The following PRDM16 variants were observed in gnomAD, a reference collection of about 807,000 sequenced individuals.
PRDM16 encodes the protein PR/SET domain 16.
Under a neutral mutation model 110.6 loss-of-function variants are expected in PRDM16, and 23 were observed. The ratio of observed to expected loss-of-function variants is 0.21; its 90% confidence interval spans 0.15 to 0.29. PRDM16 has a LOEUF of 0.29. Ranked by LOEUF, PRDM16 falls within the 10% of genes least tolerant of loss-of-function variation. The pLI, the probability that PRDM16 is intolerant of heterozygous loss-of-function variation, is 1.00. For synonymous variants in PRDM16, 799 were observed against 781.8 expected, an observed-to-expected ratio of 1.02 and a Z score of -0.37; for missense variants, 1,615 against 1,794.3, an observed-to-expected ratio of 0.90 and a Z score of 1.81.
chr1:3,419,545 C>T (rs981853250), intron 12 of PRDM16, among the ~76,000 whole-genome samples: 3 of 152,134 alleles, frequency 2.0e-5, no homozygotes, highest in South Asian at 2.1e-4. Flanking sequence ...AACTGGGAGG[C>T]GAATGGGGAA....
At chr1:3,177,459 T>C (rs993250350) in intron 1 of PRDM16, among the ~76,000 whole-genome samples, 7 of 152,228 alleles carry the variant, frequency 4.6e-5, no homozygotes, top group African/African-American at 1.4e-4. Flanking sequence ...CTGTGTGGCA[T>C]TGAGCAAGTT....
At chr1:3,424,841 C>T (rs891164893) in intron 12 of PRDM16, 1 of 152,254 alleles carries the variant, frequency 6.6e-6, no homozygotes, top group Admixed American at 6.5e-5. Flanking sequence ...GGGAAACTGG[C>T]CTTGCCGAGT....
chr1:3,181,388 CCTTACGCAT>C (rs1644177355), intron 1 of PRDM16, among the ~76,000 whole-genome samples: 1 of 6,344 alleles, frequency 1.6e-4, no homozygotes, highest in Admixed American at 2.7e-3. Flanking sequence ...TTACACACGG[CCTTACGCAT>C]GGTCTTACAC....
At chr1:3,393,014 G>C (rs1292557238) in intron 4 of PRDM16, among the ~76,000 whole-genome samples, 1 of 152,258 alleles carries the variant, frequency 6.6e-6, no homozygotes, top group African/African-American at 2.4e-5. Flanking sequence ...AGAACCTGAA[G>C]TGTTGGAACA....
chr1:3,312,711 G>T (rs901706038), intron 3 of PRDM16, among the ~76,000 whole-genome samples: 1 of 152,244 alleles, frequency 6.6e-6, no homozygotes, highest in African/African-American at 2.4e-5. Context: ...CAAATACTCC[G>T]CCGCTTTTCA....
At chr1:3,354,392 A>G (rs887819221) in intron 3 of PRDM16, among the ~76,000 whole-genome samples, 6 of 149,792 alleles carry the variant, frequency 4.0e-5, no homozygotes, top group Non-Finnish European at 1.5e-5. Context: ...TCCAGGAGGC[A>G]GAGGTTTCAG....
At chr1:3,111,900 C>T (rs571106657) in intron 1 of PRDM16, among the ~76,000 whole-genome samples, 1 of 152,358 alleles carries the variant, frequency 6.6e-6, no homozygotes, top group Admixed American at 6.5e-5. Context: ...CGCCGCTCCC[C>T]AGCAAGATAA....
At position 3,370,961 on chromosome 1, in the gene PRDM16, C is replaced by T. The variant is rs114852617; in HGVS notation, c.439-14191C>T. Among the ~76,000 whole-genome samples the T allele has an allele frequency of 0.024, 3,506 of 148,366 alleles. 120 individuals are homozygous for T. The highest frequency in any genetic ancestry group is 0.079 in the African/African-American group (3,162 of 40,126). On this transcript the variant is annotated intron_variant, in intron 3 of 16. Coordinates refer to ENST00000270722, the MANE Select transcript of PRDM16 (RefSeq NM_022114.4). The surrounding 1 kb of genome is among the most constrained non-coding windows in gnomAD (Gnocchi z 4.8). ...ACCCATTCATCCATTCACCATCCAT[C>T]GATTCATCCATTTGTCCATCCACCC...
rs1424062000 is a variant in PRDM16, at chr1:3,244,228, C to T, written c.438+91C>T. ...GCCATCCCAGCTGTCCCTGAGCTAA[C>T]AAGCGTGTAGTCGGAATGTTGCTGG... is the stretch of plus-strand genomic sequence containing the variant. On this transcript the variant is annotated intron_variant, in intron 3 of 16. Transcript: ENST00000270722. The surrounding 1 kb of genome is among the most constrained non-coding windows in gnomAD (Gnocchi z 4.1). 2 of 1,207,060 alleles carry T rather than the reference C, an allele frequency of 1.7e-6. No individual in the cohort carries two copies. Among genetic ancestry groups the T allele is most frequent in the Non-Finnish European group, 2.4e-6 (2 of 819,500 alleles). The allele number at this position is 1,207,060 out of a possible 1,614,324, so 74.8% of individuals were successfully genotyped here. A position where few individuals can be genotyped will look rare whatever the true frequency, so the allele number is the denominator to read the frequency against.
intron 5 of PRDM16, among the ~76,000 whole-genome samples, chr1:3,398,979 A>G (rs904861091): frequency 6.6e-6 from 1 of 152,190 alleles, no homozygotes; most frequent in Non-Finnish European, 1.5e-5. Context: ...GGGGCTGGAC[A>G]CATTCCCTCT....
intron 1 of PRDM16, among the ~76,000 whole-genome samples, chr1:3,181,676 G>GTGCAGTCTTACACA (rs1557509968): frequency 2.9e-5 from 1 of 34,946 alleles, no homozygotes; most frequent in Non-Finnish European, 5.6e-5. Context: ...AGTCTTACAC[G>GTGCAGTCTTACACA]CGCAGTCTTA....
At chr1:3,349,040 C>A (rs1479668581) in intron 3 of PRDM16, among the ~76,000 whole-genome samples, 3 of 152,212 alleles carry the variant, frequency 2.0e-5, no homozygotes, top group Admixed American at 1.3e-4. Context: ...GGGGCGGGGC[C>A]CAGCATGGCC....
chr1:3,346,871 G>C (rs983700321), intron 3 of PRDM16, among the ~76,000 whole-genome samples: 2 of 152,228 alleles, frequency 1.3e-5, no homozygotes, highest in Non-Finnish European at 2.9e-5. Flanking sequence ...CTCCTGAGCA[G>C]TTCCTAACAC....
intron 1 of PRDM16, among the ~76,000 whole-genome samples, chr1:3,124,772 G>A (rs1245280358): frequency 6.6e-6 from 1 of 152,220 alleles, no homozygotes; most frequent in Non-Finnish European, 1.5e-5. Flanking sequence ...CAGGATGGGG[G>A]GACCTCTATG....
intron 3 of PRDM16, among the ~76,000 whole-genome samples, chr1:3,323,297 G>A (rs182443067): frequency 2.6e-5 from 4 of 152,170 alleles, no homozygotes; most frequent in Admixed American, 2.6e-4. Flanking sequence ...GTGAGAGTCC[G>A]ACCTCCTGGG....
At chr1:3,398,500 C>T (rs1400263114) in intron 5 of PRDM16, among the ~76,000 whole-genome samples, 1 of 152,180 alleles carries the variant, frequency 6.6e-6, no homozygotes, top group Admixed American at 6.5e-5. Context: ...TCTTTTATCC[C>T]AACCCCAGCT....
intron 4 of PRDM16, among the ~76,000 whole-genome samples, chr1:3,393,544 T>G (rs969485650): frequency 4.6e-5 from 7 of 152,122 alleles, no homozygotes; most frequent in African/African-American, 7.2e-5. Flanking sequence ...AAATGCGCAA[T>G]TTGTGACGCT....
intron 3 of PRDM16, among the ~76,000 whole-genome samples, chr1:3,277,670 T>C (rs1166975316): frequency 1.3e-5 from 2 of 152,238 alleles, no homozygotes; most frequent in Middle Eastern, 3.4e-3. Context: ...CCCAGATGAA[T>C]CCACAGAGCT....
Position 3,209,437 on chromosome 1 carries a change from C to T in PRDM16, c.387+22963C>T, listed in dbSNP as rs923558088. The stretch of plus-strand genomic sequence containing the variant: ...CAGCTCTCCCTTCTTCCTGGGGAGG[C>T]CTGTGAAGGTCGCGTGAATGCCTGT... On this transcript the variant is annotated intron_variant, in intron 2 of 16. Coordinates refer to ENST00000270722, the MANE Select transcript of PRDM16 (RefSeq NM_022114.4). The surrounding 1 kb of genome is among the most constrained non-coding windows in gnomAD (Gnocchi z 4.6). Among the ~76,000 whole-genome samples, 6 of 152,144 alleles carry T rather than the reference C, an allele frequency of 3.9e-5. No individual in the cohort carries two copies. Among genetic ancestry groups the T allele is most frequent in the Non-Finnish European group, 8.8e-5 (6 of 68,022 alleles).
Sources: gnomAD v4.1 joint callset for allele counts (sites outside exome capture counted in the v4.1 genomes callset) on GRCh38, gnomAD v4.1.1 for gene constraint, Gnocchi (gnomAD v3.1) non-coding constraint, MANE v1.5 for transcripts, NCBI Gene and HGNC (gene_info 2026-07-23, HGNC 2026-07-21) for gene names.